AFF3: variants seen among roughly 807,000 people sequenced by gnomAD.
AFF3 encodes ALF transcription elongation factor 3, also known as AF4/FMR2 family member 3.
In AFF3, 32 loss-of-function variants were observed where a neutral mutation model predicts 129.7. The ratio of observed to expected loss-of-function variants is 0.25; its 90% confidence interval spans 0.19 to 0.33. The LOEUF (loss-of-function observed/expected upper bound fraction) is 0.33, where lower values mean the gene tolerates loss of function less well. AFF3 is among the 10% of genes least tolerant of loss of function. The pLI is 1.00. For synonymous variants in AFF3, 644 were observed against 635.4 expected (o/e 1.01, Z -0.20); for missense variants, 1,373 against 1,592.0 (o/e 0.86, Z 2.34).
intron 11 of AFF3, among the ~76,000 whole-genome samples, chr2:99,725,827 T>C (rs1019411948): frequency 6.6e-6 from 1 of 152,150 alleles, no homozygotes; most frequent in African/African-American, 2.4e-5. Context: ...TTTGAAAAAA[T>C]TGTTTCTACA....
chr2:99,588,235 G>GGT (rs1337484572), intron 15 of AFF3, among the ~76,000 whole-genome samples: 1 of 152,070 alleles, frequency 6.6e-6, no homozygotes. Flanking sequence ...GGAGTGCAGT[G>GGT]GTGCGATCAT....
chr2:99,938,702 C>T (rs1179495477), intron 7 of AFF3, among the ~76,000 whole-genome samples: 1 of 152,152 alleles, frequency 6.6e-6, no homozygotes, highest in African/African-American at 2.4e-5. Flanking sequence ...CATCAGACAG[C>T]CTTTGGATAA....
At chr2:100,023,793 C>A (rs1016214692) in intron 4 of AFF3, among the ~76,000 whole-genome samples, 7 of 152,152 alleles carry the variant, frequency 4.6e-5, no homozygotes, top group Non-Finnish European at 1.0e-4. Flanking sequence ...ATCATCAATA[C>A]CTAAATGAAA....
At chr2:100,128,938 T>C (rs1692310761) in intron 2 of AFF3, among the ~76,000 whole-genome samples, 2 of 151,926 alleles carry the variant, frequency 1.3e-5, no homozygotes, top group African/African-American at 4.8e-5. Context: ...TGTCCTGGAG[T>C]ACACAGGGAG....
chr2:99,729,384 A>G (rs1466963107), intron 10 of AFF3, among the ~76,000 whole-genome samples: 1 of 152,202 alleles, frequency 6.6e-6, no homozygotes, highest in Non-Finnish European at 1.5e-5. Flanking sequence ...CAAACAGAAT[A>G]GGTTCTGGCA....
intron 13 of AFF3, among the ~76,000 whole-genome samples, chr2:99,646,245 T>C (rs945894726): frequency 3.9e-5 from 6 of 152,168 alleles, no homozygotes; most frequent in African/African-American, 1.4e-4. Flanking sequence ...GGAAGTGAAA[T>C]GAGCCCATGG....
At chr2:99,726,098 G>T (rs2104990650) in intron 11 of AFF3, among the ~76,000 whole-genome samples, 1 of 152,272 alleles carries the variant, frequency 6.6e-6, no homozygotes, top group South Asian at 2.1e-4. Flanking sequence ...ACATCTGAAA[G>T]CAGGACAATG....
At chr2:100,072,760 C>A (rs761011353) in intron 4 of AFF3, among the ~76,000 whole-genome samples, 16 of 152,186 alleles carry the variant, frequency 1.1e-4, no homozygotes, top group African/African-American at 1.7e-4. Flanking sequence ...CAAACACTGA[C>A]CTGTTGGGTC....
chr2:100,040,585 G>A (rs1685337126), intron 4 of AFF3, among the ~76,000 whole-genome samples: 1 of 152,184 alleles, frequency 6.6e-6, no homozygotes, highest in African/African-American at 2.4e-5. Context: ...CCTGATGAGA[G>A]CAGGATGTTG....
intron 7 of AFF3, among the ~76,000 whole-genome samples, chr2:99,916,275 C>T (rs549264225): frequency 4.6e-5 from 7 of 152,296 alleles, no homozygotes; most frequent in Non-Finnish European, 8.8e-5. Flanking sequence ...TAATCCCTCC[C>T]GTCCTGCCTG....
chr2:99,916,860 C>G (rs975756551), intron 7 of AFF3, among the ~76,000 whole-genome samples: 1 of 152,102 alleles, frequency 6.6e-6, no homozygotes, highest in South Asian at 2.1e-4. Flanking sequence ...CATGAGGCCA[C>G]AAGGCAAAGA....
intron 7 of AFF3, among the ~76,000 whole-genome samples, chr2:99,869,786 A>C (rs1691732431): frequency 6.6e-6 from 1 of 152,150 alleles, no homozygotes. Flanking sequence ...TCAGGGGGAA[A>C]AGTTACATAT....
intron 13 of AFF3, among the ~76,000 whole-genome samples, chr2:99,615,200 G>A (rs1037031851): frequency 3.3e-5 from 5 of 152,276 alleles, no homozygotes; most frequent in Admixed American, 6.5e-5. Context: ...TTTTATGTAC[G>A]AACATGAATT....
chr2:100,052,153 A>G (rs986813295), intron 4 of AFF3, among the ~76,000 whole-genome samples: 1 of 152,190 alleles, frequency 6.6e-6, no homozygotes, highest in African/African-American at 2.4e-5. Context: ...TTCATTTTGT[A>G]GTTCATGTAT....
At chr2:99,948,565 G>A (rs1321532047) in intron 7 of AFF3, among the ~76,000 whole-genome samples, 8 of 152,168 alleles carry the variant, frequency 5.3e-5, no homozygotes, top group Admixed American at 3.9e-4. Context: ...GGCAGCAAGC[G>A]CCTCCATGTA....
chr2:99,756,253 T>C (rs1682089494), intron 8 of AFF3, among the ~76,000 whole-genome samples: 1 of 152,218 alleles, frequency 6.6e-6, no homozygotes, highest in African/African-American at 2.4e-5. Flanking sequence ...AATCTGGTGG[T>C]GGCTTGGGCC....
chr2:99,752,366 A>G, intron 8 of AFF3, 65 bp from the exon 9 acceptor site: 1 of 1,413,698 alleles, frequency 7.1e-7, no homozygotes, highest in Non-Finnish European at 9.9e-7. Flanking sequence ...AGCGGTATGT[A>G]AAGCAGCTGT....
At chr2:99,654,505 T>C (rs1389299533) in intron 12 of AFF3, among the ~76,000 whole-genome samples, 1 of 152,222 alleles carries the variant, frequency 6.6e-6, no homozygotes, top group Non-Finnish European at 1.5e-5. Flanking sequence ...AGGTGACTCA[T>C]GATTGAAACT....
chr2:99,670,745 C>G (rs148183367), intron 12 of AFF3, among the ~76,000 whole-genome samples: 1 of 152,092 alleles, frequency 6.6e-6, no homozygotes, highest in African/African-American at 2.4e-5. Flanking sequence ...AACTATCATA[C>G]GCAAAACCAC....
Sources: gnomAD v4.1 joint callset for allele counts (sites outside exome capture counted in the v4.1 genomes callset) on GRCh38, gnomAD v4.1.1 for gene constraint, MANE v1.5 for transcripts, NCBI Gene and HGNC (gene_info 2026-07-23, HGNC 2026-07-21) for gene names.